The following XIST variants were observed in gnomAD, a reference collection of about 807,000 sequenced individuals.
The protein encoded by XIST is X inactive specific transcript.
exon 1 of XIST, chrX:73,849,855 G>A: frequency 1.3e-5 from 2 of 154,737 alleles, no homozygotes; most frequent in Non-Finnish European, 2.5e-5. Flanking sequence ...GGGCTGGGGG[G>A]TTAGGGGACT....
chrX:73,841,617 C>G, exon 1 of XIST: 1 of 558,507 alleles, frequency 1.8e-6, no homozygotes, highest in Non-Finnish European at 3.2e-6. Flanking sequence ...TTATTCATTT[C>G]CACTAGGCAG....
intron 2 of XIST, among the ~76,000 whole-genome samples, chrX:73,836,801 T>C (rs989151668): frequency 3.6e-5 from 4 of 111,284 alleles, no homozygotes; most frequent in Non-Finnish European, 3.8e-5. Flanking sequence ...GTCTGAAGCA[T>C]GTTGTAGTTC....
rs370376749 is a variant in XIST at position 73,830,810 on chromosome X, G to T, written n.11752+256C>A. Among the ~76,000 whole-genome samples, 91 of 111,721 alleles carry T rather than the reference G, an allele frequency of 8.1e-4. 1 individual carries two copies. In the South Asian group the frequency reaches 0.033, roughly 40 times the overall value. ...GTTCTCCTAAAAGAACAACTTAGCT[G>T]TAAGCCTCTGCCACGTGCTATAGTC... On this transcript the variant is annotated intron_variant and non_coding_transcript_variant, in intron 4 of 5. Transcript: ENST00000429829.
exon 6 of XIST, chrX:73,826,044 G>A (rs748021850): frequency 2.2e-5 from 12 of 557,152 alleles, no homozygotes; most frequent in South Asian, 1.8e-4. Context: ...TTGGGACCTC[G>A]CTTTGTCCCA....
exon 1 of XIST, chrX:73,845,638 C>T (rs1313776480): frequency 2.0e-6 from 1 of 499,516 alleles, no homozygotes; most frequent in Non-Finnish European, 3.5e-6. Flanking sequence ...CTGCAAAGGG[C>T]ATCTGAGAGT....
At chrX:73,831,443 G>T in intron 3 of XIST, 1 of 282,384 alleles carries the variant, frequency 3.5e-6, no homozygotes, top group Non-Finnish European at 6.1e-6. Context: ...TACCAACTTA[G>T]CAAAAAAAAA....
At position 73,826,812 on chromosome X, in the gene XIST, T is replaced by C. The variant is rs766426459; in HGVS notation, n.13089A>G. Reference sequence around the variant, plus strand: ...CCTTCCATCCTTGGGTTGTAGGTCTTCCAGCTACAACCCTGGGCTAATCTT... The same window carrying C: ...CCTTCCATCCTTGGGTTGTAGGTCTCCCAGCTACAACCCTGGGCTAATCTT... On this transcript the variant is annotated non_coding_transcript_exon_variant, in exon 6 of 6. Coordinates refer to ENST00000429829, the Ensembl canonical transcript of XIST. The C allele has an allele frequency of 9.0e-6, 5 of 558,628 alleles. No individual in the cohort carries two copies. In the South Asian group the frequency reaches 1.1e-4, roughly 12 times the overall value. 46.0% of individuals were successfully genotyped at this position (558,628 alleles called of 1,213,427 possible).
At chrX:73,841,945 T>C (rs777985098) in exon 1 of XIST, 4 of 534,323 alleles carry the variant, frequency 7.5e-6, no homozygotes, top group Non-Finnish European at 1.4e-5. Flanking sequence ...TTTCTAAAAG[T>C]GAATGCTGGT....
exon 1 of XIST, chrX:73,847,504 G>A: frequency 3.9e-6 from 2 of 513,562 alleles, no homozygotes. Flanking sequence ...ACAGGTGTGA[G>A]CCACCACACC....
chrX:73,833,215 C>G (rs779776868), intron 3 of XIST: 2 of 554,496 alleles, frequency 3.6e-6, no homozygotes, highest in South Asian at 4.6e-5. Flanking sequence ...AGAAGCACTA[C>G]AACAATAAAT....
exon 1 of XIST, chrX:73,850,569 G>GGCC (rs1205683930): frequency 3.7e-6 from 2 of 547,757 alleles, no homozygotes; most frequent in Middle Eastern, 6.2e-4. Context: ...GCCACCTGTT[G>GGCC]GCCAACGATC....
exon 4 of XIST, chrX:73,831,199 A>G (rs1446192803): frequency 1.8e-6 from 1 of 554,612 alleles, no homozygotes; most frequent in Admixed American, 2.2e-5. Context: ...CTCATGCCCC[A>G]TCTCCACCTA....
exon 1 of XIST, chrX:73,852,594 A>T: frequency 2.0e-6 from 1 of 493,876 alleles, no homozygotes; most frequent in Non-Finnish European, 3.5e-6. Flanking sequence ...AATTTAGGTG[A>T]TTTTTTTAAA....
chrX:73,842,039 C>T (rs775154563), exon 1 of XIST: 1 of 550,581 alleles, frequency 1.8e-6, no homozygotes, highest in Non-Finnish European at 3.3e-6. Flanking sequence ...GTGTTCTATC[C>T]ACAGACCCAC....
At chrX:73,851,966 C>A (rs1291071522) in exon 1 of XIST, 1 of 554,186 alleles carries the variant, frequency 1.8e-6, no homozygotes, top group Non-Finnish European at 3.2e-6. Flanking sequence ...CAACAACCCA[C>A]AAAACCAACA....
chrX:73,825,185 A>G (rs747784047), exon 6 of XIST: 1 of 551,248 alleles, frequency 1.8e-6, no homozygotes, highest in Admixed American at 2.3e-5. Context: ...TATATTTTAA[A>G]GTTTAAAAGC....
At chrX:73,826,786 G>A in exon 6 of XIST, 1 of 558,369 alleles carries the variant, frequency 1.8e-6, no homozygotes, top group South Asian at 2.2e-5. Flanking sequence ...TGTGACAGGG[G>A]CCTTCCATCC....
exon 6 of XIST, chrX:73,827,104 C>T (rs2147697368): frequency 3.6e-6 from 2 of 558,819 alleles, no homozygotes; most frequent in Non-Finnish European, 6.5e-6. Context: ...GCCTTCTATC[C>T]ATATGAGCCT....
chrX:73,852,000 G>T (rs753185426), exon 1 of XIST: 4 of 554,211 alleles, frequency 7.2e-6, no homozygotes, highest in Non-Finnish European at 1.3e-5. Context: ...AAAAAGCACC[G>T]ATGGGCGATG....
Sources: gnomAD v4.1 joint callset for allele counts (sites outside exome capture counted in the v4.1 genomes callset) on GRCh38, gnomAD v4.1.1 for gene constraint, MANE v1.5 for transcripts, NCBI Gene and HGNC (gene_info 2026-07-23, HGNC 2026-07-21) for gene names.